The following ZRANB3 variants were observed in gnomAD, a reference collection of about 807,000 sequenced individuals.
ZRANB3 encodes DNA annealing helicase and endonuclease ZRANB3.
ZRANB3 carries 125 observed loss-of-function variants against 133.8 expected under a neutral mutation model. That is an observed-to-expected ratio of 0.93 (90% CI 0.81 to 1.08). The LOEUF (loss-of-function observed/expected upper bound fraction) is 1.08, where lower values mean the gene tolerates loss of function less well. Ranked by LOEUF, ZRANB3 falls within the 50% of genes least tolerant of loss-of-function variation. The pLI, the probability that ZRANB3 is intolerant of heterozygous loss-of-function variation, is 0.00. For missense variants in ZRANB3, 1,229 were observed against 1,275.5 expected (o/e 0.96, Z 0.56); for synonymous variants, 387 against 432.7 (o/e 0.89, Z 1.31).
Position 135,412,413 on chromosome 2 carries a change from T to C in ZRANB3, c.162-21593A>G, listed in dbSNP as rs142413456. On this transcript the variant is annotated intron_variant, in intron 2 of 20. Coordinates refer to ENST00000264159, the MANE Select transcript of ZRANB3 (RefSeq NM_032143.4). ...AATGAAGTGATTTTAATATTGTAAGTCATTTTTACTACTTATAAAATAATT... is the reference window on the plus strand; with the variant it reads ...AATGAAGTGATTTTAATATTGTAAGCCATTTTTACTACTTATAAAATAATT... 5.2e-4 allele frequency among the ~76,000 whole-genome samples: 79 copies of C among 152,336 alleles called. 2 individuals are homozygous for C. The East Asian group carries it at 0.013, about 26-fold the overall frequency.
At chr2:135,373,059 GAAA>G (rs80322759) in intron 3 of ZRANB3, among the ~76,000 whole-genome samples, 4 of 115,386 alleles carry the variant, frequency 3.5e-5, no homozygotes, top group Admixed American at 9.2e-5. Context: ...ACTCCATCTC[GAAA>G]AAAAAAAAAA....
At chr2:135,434,858 TG>T (rs1169423922) in intron 2 of ZRANB3, among the ~76,000 whole-genome samples, 3 of 152,262 alleles carry the variant, frequency 2.0e-5, no homozygotes, top group African/African-American at 7.2e-5. Flanking sequence ...TTTCATTATC[TG>T]ATTGTGTTTT....
intron 8 of ZRANB3, among the ~76,000 whole-genome samples, chr2:135,309,642 A>G (rs1440454365): frequency 2.0e-5 from 3 of 152,202 alleles, no homozygotes; most frequent in Non-Finnish European, 4.4e-5. Flanking sequence ...CAGGAGCATA[A>G]AAGGACACAA....
intron 6 of ZRANB3, among the ~76,000 whole-genome samples, chr2:135,328,542 T>C (rs1458918617): frequency 6.6e-6 from 1 of 151,262 alleles, no homozygotes. Flanking sequence ...TGTGTCTTTA[T>C]AGCAGCATGA....
At chr2:135,361,458 C>A (rs1432551235) in intron 3 of ZRANB3, among the ~76,000 whole-genome samples, 1 of 152,124 alleles carries the variant, frequency 6.6e-6, no homozygotes, top group Non-Finnish European at 1.5e-5. Context: ...TTATTAAGAG[C>A]AATTAAATAA....
chr2:135,343,830 C>T (rs1684804412), intron 6 of ZRANB3, among the ~76,000 whole-genome samples: 1 of 150,050 alleles, frequency 6.7e-6, no homozygotes, highest in Admixed American at 6.6e-5. Flanking sequence ...TCACAAGCTA[C>T]TATCAGTTCA....
chr2:135,516,608 G>A (rs938103154), intron 1 of ZRANB3, among the ~76,000 whole-genome samples: 1 of 152,174 alleles, frequency 6.6e-6, no homozygotes, highest in African/African-American at 2.4e-5. Context: ...ACTCTCTTCT[G>A]GCTTGTAGGG....
intron 3 of ZRANB3, among the ~76,000 whole-genome samples, chr2:135,388,824 C>T (rs1280435605): frequency 1.3e-5 from 2 of 152,158 alleles, no homozygotes; most frequent in Non-Finnish European, 2.9e-5. Flanking sequence ...CACCTGTAAT[C>T]CCAGCACTTT....
intron 1 of ZRANB3, among the ~76,000 whole-genome samples, chr2:135,516,113 T>C (rs530768783): frequency 2.5e-4 from 38 of 152,308 alleles, no homozygotes; most frequent in African/African-American, 6.7e-4. Context: ...TTTTTCTTTT[T>C]TTTTTGGCTT....
intron 2 of ZRANB3, among the ~76,000 whole-genome samples, chr2:135,445,714 A>G (rs1689990416): frequency 6.7e-6 from 1 of 149,248 alleles, no homozygotes; most frequent in Non-Finnish European, 1.5e-5. Context: ...TGTCTCTACT[A>G]AAAATACAAA....
intron 17 of ZRANB3, among the ~76,000 whole-genome samples, chr2:135,212,140 T>G (rs1694116942): frequency 6.6e-6 from 1 of 152,208 alleles, no homozygotes; most frequent in East Asian, 1.9e-4. Context: ...GCACTCTACT[T>G]GCATGTCTTT....
In ZRANB3 at chr2:135,323,011, A is replaced by G. The variant is rs540664288; in HGVS notation, c.678-7481T>C. 8.3e-4 allele frequency among the ~76,000 whole-genome samples: 119 copies of G among 143,600 alleles called. 1 individual carries two copies. Among genetic ancestry groups the G allele is most frequent in the African/African-American group, 2.9e-3 (106 of 36,856 alleles). 94.2% of individuals were successfully genotyped at this position (143,600 alleles called of 152,430 possible). On this transcript the variant is annotated intron_variant, in intron 6 of 20. Coordinates refer to ENST00000264159, the MANE Select transcript of ZRANB3 (RefSeq NM_032143.4). The stretch of plus-strand genomic sequence containing the variant: ...CAGCCTGGGCAACAAACTCTGTCTC[A>G]AAAAAAAAAATTTTTTTTTTTTTAG...
At chr2:135,329,373 G>C (rs1421154606) in intron 6 of ZRANB3, among the ~76,000 whole-genome samples, 36 of 152,104 alleles carry the variant, frequency 2.4e-4, no homozygotes, top group African/African-American at 8.4e-4. Context: ...GGTTGTAGAT[G>C]TGTGGTGTTA....
Position 135,271,324 on chromosome 2 carries a change from A to T in ZRANB3, c.1206+444T>A, listed in dbSNP as rs114746085. 4.3e-3 allele frequency: 2,046 copies of T among 471,426 alleles called. 32 individuals carry two copies. Among genetic ancestry groups the T allele is most frequent in the African/African-American group, 0.037 (1,873 of 50,204 alleles). 29.2% of individuals were successfully genotyped at this position (471,426 alleles called of 1,614,324 possible). Reference sequence around the variant, plus strand: ...GCCTTCAAACTTAATCCTAAGGGACAAAACAGAAGCACTCCATAAAAAGTC... The same window carrying T: ...GCCTTCAAACTTAATCCTAAGGGACTAAACAGAAGCACTCCATAAAAAGTC... On this transcript the variant is annotated intron_variant, in intron 10 of 20. Transcript: ENST00000264159.
intron 11 of ZRANB3, 138 bp downstream of exon 11, chr2:135,268,824 C>G (rs914465946): frequency 9.2e-6 from 7 of 763,942 alleles, no homozygotes; most frequent in Non-Finnish European, 6.1e-6. Context: ...CTTTTCTTAA[C>G]TTGGTCTCTA....
intron 2 of ZRANB3, among the ~76,000 whole-genome samples, chr2:135,465,036 G>A (rs1663722780): frequency 6.6e-6 from 1 of 152,186 alleles, no homozygotes; most frequent in African/African-American, 2.4e-5. Flanking sequence ...CAGTCTATAG[G>A]AGAGCAAATG....
intron 2 of ZRANB3, among the ~76,000 whole-genome samples, chr2:135,494,215 G>A (rs1692555084): frequency 6.7e-6 from 1 of 149,076 alleles, no homozygotes; most frequent in African/African-American, 2.5e-5. Flanking sequence ...GCCTGTATCA[G>A]GAGAATGGCA....
intron 8 of ZRANB3, among the ~76,000 whole-genome samples, chr2:135,285,108 G>A (rs1681291152): frequency 6.6e-6 from 1 of 152,134 alleles, no homozygotes; most frequent in South Asian, 2.1e-4. Context: ...GCCTCCCAAA[G>A]TGCTGGGATT....
At chr2:135,289,267 T>C (rs1319854621) in intron 8 of ZRANB3, among the ~76,000 whole-genome samples, 1 of 152,162 alleles carries the variant, frequency 6.6e-6, no homozygotes, top group African/African-American at 2.4e-5. Flanking sequence ...TTTCTTTTTT[T>C]GTTTTTAAGA....
Sources: allele counts gnomAD v4.1 joint callset (sites outside exome capture counted in the v4.1 genomes callset), GRCh38; gene constraint gnomAD v4.1.1; transcripts MANE v1.5; gene names NCBI Gene and HGNC (gene_info 2026-07-23, HGNC 2026-07-21).